Variants in MIPOL1 observed in about 807,000 individuals in gnomAD.
MIPOL1 encodes the protein mirror-image polydactyly 1, also known as mirror-image polydactyly gene 1 protein.
A neutral mutation model predicts 60.9 loss-of-function variants in MIPOL1; 57 were observed. The ratio of observed to expected loss-of-function variants is 0.94; its 90% CI spans 0.76 to 1.17. The LOEUF (loss-of-function observed/expected upper bound fraction) is 1.17. MIPOL1 is among the 50% of genes most tolerant of loss of function. The pLI, the probability that MIPOL1 is intolerant of heterozygous loss-of-function variation, is 0.00. For synonymous variants in MIPOL1, 179 were observed against 168.8 expected (o/e 1.06, Z -0.47); for missense variants, 551 against 511.6 (o/e 1.08, Z -0.74).
intron 11 of MIPOL1, among the ~76,000 whole-genome samples, chr14:37,472,895 T>C (rs2094710515): frequency 6.6e-6 from 1 of 152,148 alleles, no homozygotes; most frequent in African/African-American, 2.4e-5. Context: ...ACTCACTACC[T>C]AGTAAGCCCG....
chr14:37,493,907 T>TA (rs2153607896), intron 11 of MIPOL1, among the ~76,000 whole-genome samples: 1 of 152,294 alleles, frequency 6.6e-6, no homozygotes, highest in East Asian at 1.9e-4. Flanking sequence ...CTATACAACT[T>TA]AAGTGCCTTT....
At chr14:37,471,513 A>G (rs1180703838) in intron 11 of MIPOL1, among the ~76,000 whole-genome samples, 2 of 152,182 alleles carry the variant, frequency 1.3e-5, no homozygotes, top group Admixed American at 6.5e-5. Context: ...GAGAATGGGA[A>G]CACTTGTAGC....
At chr14:37,456,439 G>A (rs1006817391) in intron 11 of MIPOL1, among the ~76,000 whole-genome samples, 3 of 151,984 alleles carry the variant, frequency 2.0e-5, no homozygotes, top group African/African-American at 2.4e-5. Flanking sequence ...TGAAAAACAA[G>A]CATATTGTAC....
At chr14:37,392,908 A>G (rs867326457) in intron 10 of MIPOL1, among the ~76,000 whole-genome samples, 19 of 152,296 alleles carry the variant, frequency 1.2e-4, no homozygotes, top group African/African-American at 4.6e-4. Context: ...ATATGTTCAA[A>G]TCCTAATTCC....
At chr14:37,484,313 A>G (rs2094915654) in intron 11 of MIPOL1, among the ~76,000 whole-genome samples, 1 of 145,364 alleles carries the variant, frequency 6.9e-6, no homozygotes, top group Admixed American at 6.9e-5. Context: ...TCCTTCCATG[A>G]CTTTGATGAC....
At chr14:37,380,998 A>G (rs1329447622) in intron 10 of MIPOL1, among the ~76,000 whole-genome samples, 1 of 152,060 alleles carries the variant, frequency 6.6e-6, no homozygotes. Context: ...GAAACGCTCT[A>G]TATCGTCTAT....
chr14:37,234,942 ATTTTTTTTT>A (rs5807941), intron 1 of MIPOL1, among the ~76,000 whole-genome samples: 4 of 116,830 alleles, frequency 3.4e-5, no homozygotes, highest in Admixed American at 9.5e-5. Context: ...CGTACGGCTA[ATTTTTTTTT>A]TTTTTTTTTT....
intron 1 of MIPOL1, among the ~76,000 whole-genome samples, chr14:37,243,762 C>A (rs1972715554): frequency 6.6e-6 from 1 of 152,030 alleles, no homozygotes; most frequent in Non-Finnish European, 1.5e-5. Context: ...GGAATGAAAT[C>A]CCATTTTTAA....
rs376751399 is a variant in MIPOL1 at position 37,214,711 on chromosome 14, A to AT, written c.-199+16608dup. Among the ~76,000 whole-genome samples the AT allele has an allele frequency of 5.6e-3, 857 of 152,244 alleles. 5 individuals carry two copies. The highest frequency in any genetic ancestry group is 0.02 in the African/African-American group (810 of 41,536). ...GGACATGGTGAGAAGTGACCAGAAG[A>AT]TAATAGTGTGAGCCCTCTGTCACGC... On this transcript the variant is annotated intron_variant, in intron 1 of 12. Transcript: ENST00000684589.
In MIPOL1 at chr14:37,547,105, C is replaced by A; in HGVS notation, c.*134C>A. 1 of 674,612 alleles carries A rather than the reference C, an allele frequency of 1.5e-6. No individual in the cohort carries two copies. The highest frequency in any genetic ancestry group is 2.5e-6 in the Non-Finnish European group (1 of 395,122). 41.8% of individuals were successfully genotyped at this position (674,612 alleles called of 1,614,324 possible). A position where few individuals can be genotyped will look rare whatever the true frequency, so the allele number is the denominator to read the frequency against. On this transcript the variant is annotated 3_prime_UTR_variant, in exon 13 of 13. Transcript: ENST00000684589. ...TGGGACACTCCAACCACATTCCAAG[C>A]TGAGATAAAATCAAATCACAAATGT...
chr14:37,445,184 C>T (rs2094313726), intron 11 of MIPOL1, among the ~76,000 whole-genome samples: 1 of 152,062 alleles, frequency 6.6e-6, no homozygotes, highest in Non-Finnish European at 1.5e-5. Flanking sequence ...ACCCCATTGT[C>T]TCAGCCCAAA....
intron 3 of MIPOL1, among the ~76,000 whole-genome samples, chr14:37,263,782 A>G (rs552349047): frequency 8.5e-5 from 13 of 152,324 alleles, no homozygotes; most frequent in African/African-American, 2.9e-4. Context: ...TTAAACACTA[A>G]AGTGGATTAC....
At chr14:37,362,071 A>G (rs2092287831) in intron 9 of MIPOL1, among the ~76,000 whole-genome samples, 1 of 152,094 alleles carries the variant, frequency 6.6e-6, no homozygotes, top group Admixed American at 6.6e-5. Flanking sequence ...CCAATTTGCC[A>G]GTCTGTGTCC....
At chr14:37,291,914 ATTTTTTT>A (rs57230205) in intron 7 of MIPOL1, among the ~76,000 whole-genome samples, 16 of 92,978 alleles carry the variant, frequency 1.7e-4, no homozygotes, top group Admixed American at 1.3e-4. Context: ...AATGGCAATA[ATTTTTTT>A]TTTTTTTTTT....
At position 37,360,410 on chromosome 14, in the gene MIPOL1, G is replaced by A. The variant is rs916724818; in HGVS notation, c.829-9107G>A. 5.9e-5 allele frequency among the ~76,000 whole-genome samples: 9 copies of A among 152,074 alleles called. No homozygotes were observed. The South Asian group carries it at 6.2e-4, about 11-fold the overall frequency. ...GAAGGAATGGTACTATCTCCTCTTC[G>A]TACCTCTGGTAGAATTCGGATGTGA... is the stretch of plus-strand genomic sequence containing the variant. On this transcript the variant is annotated intron_variant, in intron 9 of 12. Coordinates refer to ENST00000684589, the MANE Select transcript of MIPOL1 (RefSeq NM_001388067.1).
In MIPOL1 at chr14:37,486,644, A is replaced by G. The variant is rs1156720376; in HGVS notation, c.1032-13264A>G. Among the ~76,000 whole-genome samples, 3 of 152,222 alleles carry G rather than the reference A, an allele frequency of 2.0e-5. No homozygotes were observed. The South Asian group carries it at 6.2e-4, about 32-fold the overall frequency. ...TTGTCTGTTTGTCTGTTATTGGTGT[A>G]TAGGAATGCTTGTGATTTTTGCTCA... On this transcript the variant is annotated intron_variant, in intron 11 of 12. Coordinates refer to ENST00000684589, the MANE Select transcript of MIPOL1 (RefSeq NM_001388067.1).
chr14:37,515,850 T>C (rs1053688326), intron 12 of MIPOL1, among the ~76,000 whole-genome samples: 5 of 152,172 alleles, frequency 3.3e-5, no homozygotes, highest in African/African-American at 1.2e-4. Context: ...ATATGGGTTT[T>C]AGGAAGACTT....
At chr14:37,327,135 G>A (rs1013014334) in intron 9 of MIPOL1, among the ~76,000 whole-genome samples, 1 of 152,066 alleles carries the variant, frequency 6.6e-6, no homozygotes, top group Non-Finnish European at 1.5e-5. Context: ...ATTTCTTATT[G>A]GATGTACTTT....
At chr14:37,292,126 T>C (rs1166271267) in intron 7 of MIPOL1, among the ~76,000 whole-genome samples, 1 of 151,518 alleles carries the variant, frequency 6.6e-6, no homozygotes, top group Non-Finnish European at 1.5e-5. Flanking sequence ...GGGGTTTCGC[T>C]GTATTAGCCA....
Sources: allele counts gnomAD v4.1 joint callset (sites outside exome capture counted in the v4.1 genomes callset), GRCh38; gene constraint gnomAD v4.1.1; transcripts MANE v1.5; gene names NCBI Gene and HGNC (gene_info 2026-07-23, HGNC 2026-07-21).